The following ARHGAP26 variants were observed in gnomAD, a reference collection of about 807,000 sequenced individuals.
The protein encoded by ARHGAP26 is Rho GTPase activating protein 26.
A neutral mutation model predicts 104.8 loss-of-function variants in ARHGAP26; 38 were observed. That is an observed-to-expected ratio of 0.36 (90% CI 0.28 to 0.48). ARHGAP26 has a LOEUF of 0.48. ARHGAP26 is among the 20% of genes least tolerant of loss of function. ARHGAP26 has a pLI of 0.99. For synonymous variants in ARHGAP26, 341 were observed against 340.0 expected (o/e 1.00, Z -0.03); for missense variants, 704 against 947.9 (o/e 0.74, Z 3.38).
chr5:143,062,523 T>A (rs1191052670), intron 17 of ARHGAP26, among the ~76,000 whole-genome samples: 1 of 150,546 alleles, frequency 6.6e-6, no homozygotes, highest in Non-Finnish European at 1.5e-5. Context: ...GCTTGGGTTT[T>A]TTTTTTTTTT....
intron 1 of ARHGAP26, 48 bp from the exon 2 acceptor site, chr5:142,873,352 C>T: frequency 6.9e-7 from 1 of 1,450,732 alleles, no homozygotes; most frequent in Non-Finnish European, 9.5e-7. Flanking sequence ...ATCAGAAAGC[C>T]AGTTTAATTT....
chr5:142,872,817 T>C (rs1755511237), intron 1 of ARHGAP26, among the ~76,000 whole-genome samples: 1 of 152,186 alleles, frequency 6.6e-6, no homozygotes, highest in Admixed American at 6.5e-5. Flanking sequence ...ACTCTGCTCA[T>C]GAGGAGAGTG....
At chr5:142,801,453 G>T (rs1762060116) in intron 1 of ARHGAP26, among the ~76,000 whole-genome samples, 1 of 151,894 alleles carries the variant, frequency 6.6e-6, no homozygotes, top group Non-Finnish European at 1.5e-5. Context: ...GATGAGGAAA[G>T]ACATGAGATC....
intron 3 of ARHGAP26, among the ~76,000 whole-genome samples, chr5:142,875,424 G>T (rs568105184): frequency 3.3e-5 from 5 of 152,298 alleles, no homozygotes; most frequent in African/African-American, 1.2e-4. Flanking sequence ...TTCATAAGGT[G>T]TATGACTTAA....
intron 20 of ARHGAP26, among the ~76,000 whole-genome samples, chr5:143,163,613 G>C (rs1358678581): frequency 6.6e-6 from 1 of 152,066 alleles, no homozygotes; most frequent in Non-Finnish European, 1.5e-5. Flanking sequence ...ACCACACCCA[G>C]CTAATTTTTG....
chr5:143,086,029 A>T (rs775395857), intron 17 of ARHGAP26, among the ~76,000 whole-genome samples: 18 of 152,138 alleles, frequency 1.2e-4, no homozygotes, highest in Non-Finnish European at 2.1e-4. Flanking sequence ...TTTTTATCCT[A>T]GTCTTTGACT....
chr5:143,206,741 C>T (rs1319542513), intron 20 of ARHGAP26, among the ~76,000 whole-genome samples: 1 of 152,148 alleles, frequency 6.6e-6, no homozygotes, highest in Admixed American at 6.5e-5. Context: ...ATTTTCTCAC[C>T]GAATGGCCTT....
chr5:142,794,888 T>C (rs1760656497), intron 1 of ARHGAP26, among the ~76,000 whole-genome samples: 1 of 152,214 alleles, frequency 6.6e-6, no homozygotes, highest in Non-Finnish European at 1.5e-5. Flanking sequence ...ATTTACATTT[T>C]GGGAAATAAA....
chr5:143,070,672 G>A (rs752148851), intron 17 of ARHGAP26, among the ~76,000 whole-genome samples: 2 of 152,178 alleles, frequency 1.3e-5, no homozygotes, highest in African/African-American at 2.4e-5. Context: ...CACTTTGGGA[G>A]GCCGAGATGG....
In ARHGAP26 at chr5:142,971,459, C is replaced by T. The variant is rs185610896; in HGVS notation, c.1107+39334C>T. ...TCTCACTGAAGCCCTGGATTAGCTG[C>T]TATCTCCTCAGCTGGGGAGGCCCCA... On this transcript the variant is annotated intron_variant, in intron 11 of 22. Transcript: ENST00000645722. Among the ~76,000 whole-genome samples, 314 of 152,280 alleles carry T rather than the reference C, an allele frequency of 2.1e-3. 1 individual carries two copies. The highest frequency in any genetic ancestry group is 2.6e-3 in the Non-Finnish European group (178 of 68,022).
In ARHGAP26 at chr5:142,801,927, C is replaced by T. The variant is rs141119428; in HGVS notation, c.154+31012C>T. ...ATCTGTGTGCAGAGTTGCCTTCTGT[C>T]TGGTGAGACTGGAGTGGGTGCGGGT... On this transcript the variant is annotated intron_variant, in intron 1 of 22. Transcript: ENST00000645722. 4.3e-3 allele frequency among the ~76,000 whole-genome samples: 655 copies of T among 152,256 alleles called. 10 individuals carry two copies. Among genetic ancestry groups the T allele is most frequent in the African/African-American group, 0.013 (538 of 41,542 alleles).
chr5:142,788,053 G>A (rs1238909498), intron 1 of ARHGAP26, among the ~76,000 whole-genome samples: 3 of 150,104 alleles, frequency 2.0e-5, no homozygotes, highest in African/African-American at 5.0e-5. Flanking sequence ...GAGTACAGTG[G>A]CATGTGGCAT....
intron 12 of ARHGAP26, among the ~76,000 whole-genome samples, chr5:143,036,334 T>G (rs1202209877): frequency 6.6e-6 from 1 of 152,142 alleles, no homozygotes; most frequent in Non-Finnish European, 1.5e-5. Flanking sequence ...ATTTCCAGCC[T>G]TGTTGTCAGG....
rs113667931 is a variant in ARHGAP26, at chr5:142,893,397, A to T, written c.487-841A>T. 2.0e-3 allele frequency among the ~76,000 whole-genome samples: 302 copies of T among 152,290 alleles called. 2 individuals are homozygous for T. Among genetic ancestry groups the T allele is most frequent in the African/African-American group, 6.9e-3 (287 of 41,544 alleles). ...ATTTGTTTTTCTGTGCCTTCACTTG[A>T]CATAATGACCTCCAGTTCCATTCAT... On this transcript the variant is annotated intron_variant, in intron 5 of 22. Coordinates refer to ENST00000645722, the MANE Select transcript of ARHGAP26 (RefSeq NM_001135608.3).
intron 12 of ARHGAP26, among the ~76,000 whole-genome samples, chr5:143,035,341 A>T (rs115074551): frequency 0.02 from 3,064 of 152,290 alleles, 80 homozygotes; most frequent in African/African-American, 0.059. Flanking sequence ...TATATATATG[A>T]TGGATTACTA....
At chr5:142,963,049 G>A (rs1770528555) in intron 11 of ARHGAP26, among the ~76,000 whole-genome samples, 2 of 151,580 alleles carry the variant, frequency 1.3e-5, no homozygotes, top group African/African-American at 4.9e-5. Flanking sequence ...AAAACATGCA[G>A]TATTTGTTTT....
intron 13 of ARHGAP26, among the ~76,000 whole-genome samples, chr5:143,040,458 G>A (rs546064674): frequency 1.3e-5 from 2 of 152,218 alleles, no homozygotes; most frequent in African/African-American, 2.4e-5. Context: ...GTATAATCTC[G>A]TGTTTTGTTT....
chr5:142,853,136 G>A (rs538626475), intron 1 of ARHGAP26, among the ~76,000 whole-genome samples: 1 of 152,198 alleles, frequency 6.6e-6, no homozygotes, highest in South Asian at 2.1e-4. Flanking sequence ...GGGTTTCTGG[G>A]GTGATTGGTG....
In ARHGAP26 at chr5:143,224,716, T is replaced by C. The variant is rs1220781247; in HGVS notation, c.*2270T>C. On this transcript the variant is annotated 3_prime_UTR_variant, in exon 23 of 23. Coordinates refer to ENST00000645722, the MANE Select transcript of ARHGAP26 (RefSeq NM_001135608.3). ...GCTTCTTAGAATGTTCAGTTCTCAA[T>C]GTGCTGCTGCTTTCCCTTCTCCTAA... is the stretch of plus-strand genomic sequence containing the variant. 9 of 229,260 alleles carry C rather than the reference T, an allele frequency of 3.9e-5. No individual in the cohort carries two copies. The highest frequency in any genetic ancestry group is 6.1e-5 in the Non-Finnish European group (7 of 115,608). The allele number at this position is 229,260 out of a possible 1,614,324, so 14.2% of individuals were successfully genotyped here.
Sources: gnomAD v4.1 joint callset for allele counts (sites outside exome capture counted in the v4.1 genomes callset) on GRCh38, gnomAD v4.1.1 for gene constraint, MANE v1.5 for transcripts, NCBI Gene and HGNC (gene_info 2026-07-23, HGNC 2026-07-21) for gene names.